The following PDGFC variants were observed in gnomAD, a reference collection of about 807,000 sequenced individuals.
The protein encoded by PDGFC is platelet derived growth factor C.
A neutral mutation model predicts 35.5 loss-of-function variants in PDGFC; 12 were observed. The observed-to-expected ratio is 0.34, with a 90% confidence interval of 0.22 to 0.55. The LOEUF (loss-of-function observed/expected upper bound fraction) is 0.55. Ranked by LOEUF, PDGFC falls within the 20% of genes least tolerant of loss-of-function variation. PDGFC has a pLI of 0.91. For synonymous variants in PDGFC, 159 were observed against 148.8 expected, an observed-to-expected ratio of 1.07 and a Z score of -0.50; for missense variants, 322 against 412.4, an observed-to-expected ratio of 0.78 and a Z score of 1.90.
At chr4:156,783,677 T>C in intron 3 of PDGFC, among the ~76,000 whole-genome samples, 1 of 152,186 alleles carries the variant, frequency 6.6e-6, no homozygotes. Flanking sequence ...GAAATTGTTG[T>C]ACGTGTCCCT....
chr4:156,764,741 A>G (rs1434128838), intron 5 of PDGFC, among the ~76,000 whole-genome samples: 1 of 152,202 alleles, frequency 6.6e-6, no homozygotes, highest in Admixed American at 6.6e-5. Flanking sequence ...TTATGTTAGT[A>G]CTGATTTATT....
chr4:156,761,058 G>A lies in PDGFC; in HGVS notation c.*2032C>T, dbSNP rs563605593. 2.0e-5 allele frequency: 3 copies of A among 152,154 alleles called. No homozygotes were observed. Among genetic ancestry groups the A allele is most frequent in the Admixed American group, 2.0e-4 (3 of 15,256 alleles). 9.4% of individuals were successfully genotyped at this position (152,154 alleles called of 1,614,324 possible). ...TAGTTGGAGGCAGGGCAGAACTGCA[G>A]GTGTCAAAGCACAGGAAAAGGGTGC... is the stretch of plus-strand genomic sequence containing the variant. On this transcript the variant is annotated 3_prime_UTR_variant, in exon 6 of 6. Coordinates refer to ENST00000502773, the MANE Select transcript of PDGFC (RefSeq NM_016205.3).
intron 1 of PDGFC, among the ~76,000 whole-genome samples, chr4:156,889,605 C>A (rs1383503170): frequency 6.6e-6 from 1 of 152,136 alleles, no homozygotes; most frequent in Non-Finnish European, 1.5e-5. Flanking sequence ...AAACTTGAAC[C>A]TTTTTGTCAT....
At chr4:156,921,712 T>C (rs1167701681) in intron 1 of PDGFC, among the ~76,000 whole-genome samples, 1 of 152,146 alleles carries the variant, frequency 6.6e-6, no homozygotes, top group Non-Finnish European at 1.5e-5. Flanking sequence ...AAGAGTCTTT[T>C]GAGTTCATCT....
intron 1 of PDGFC, among the ~76,000 whole-genome samples, chr4:156,906,359 A>C (rs1252819894): frequency 6.6e-6 from 1 of 152,060 alleles, no homozygotes; most frequent in Non-Finnish European, 1.5e-5. Context: ...AAAATTCTTG[A>C]ATGTTTATGG....
intron 2 of PDGFC, among the ~76,000 whole-genome samples, chr4:156,837,574 A>C (rs1360912459): frequency 6.6e-6 from 1 of 152,204 alleles, no homozygotes; most frequent in Non-Finnish European, 1.5e-5. Flanking sequence ...TTTCAGTGGT[A>C]TCAAGGCAAT....
rs72974700 is a variant in PDGFC, at chr4:156,858,513, T to G, written c.119-8097A>C. Among the ~76,000 whole-genome samples, 1,167 of 152,100 alleles carry G rather than the reference T, an allele frequency of 7.7e-3. 13 individuals are homozygous for G. The highest frequency in any genetic ancestry group is 0.027 in the African/African-American group (1,103 of 41,526). ...AAACATGTTTGGCAATACTATAAGT[T>G]TTTTACTCTGTTAAATTGTACATTA... On this transcript the variant is annotated intron_variant, in intron 1 of 5. Coordinates refer to ENST00000502773, the MANE Select transcript of PDGFC (RefSeq NM_016205.3).
At chr4:156,863,394 T>C (rs1729763319) in intron 1 of PDGFC, among the ~76,000 whole-genome samples, 1 of 152,162 alleles carries the variant, frequency 6.6e-6, no homozygotes, top group South Asian at 2.1e-4. Context: ...AATTCACAAG[T>C]GTATATTTTC....
chr4:156,921,158 T>C (rs1159184664), intron 1 of PDGFC, among the ~76,000 whole-genome samples: 1 of 152,198 alleles, frequency 6.6e-6, no homozygotes, highest in African/African-American at 2.4e-5. Context: ...CTTCTCCTTA[T>C]TTATCCCTAA....
At chr4:156,765,636 A>G (rs571589221) in intron 5 of PDGFC, among the ~76,000 whole-genome samples, 9 of 152,234 alleles carry the variant, frequency 5.9e-5, no homozygotes, top group Non-Finnish European at 1.3e-4. Flanking sequence ...TTCATAAAAA[A>G]TTAAATATGT....
intron 1 of PDGFC, among the ~76,000 whole-genome samples, chr4:156,920,939 A>G (rs920152191): frequency 6.6e-6 from 1 of 152,194 alleles, no homozygotes; most frequent in South Asian, 2.1e-4. Flanking sequence ...TCAAGTAACA[A>G]AAATTTGTAA....
At chr4:156,812,602 T>A (rs898552201) in intron 2 of PDGFC, among the ~76,000 whole-genome samples, 1 of 152,042 alleles carries the variant, frequency 6.6e-6, no homozygotes, top group Non-Finnish European at 1.5e-5. Context: ...ATTAAACATA[T>A]GAAAGAAAAA....
In PDGFC at chr4:156,803,309, A is replaced by G. The variant is rs574129554; in HGVS notation, c.495+7528T>C. Among the ~76,000 whole-genome samples, 10 of 152,322 alleles carry G rather than the reference A, an allele frequency of 6.6e-5. No homozygotes were observed. In the South Asian group the frequency reaches 2.1e-3, roughly 32 times the overall value. On this transcript the variant is annotated intron_variant, in intron 3 of 5. Transcript: ENST00000502773. The stretch of plus-strand genomic sequence containing the variant: ...ATTCTAAGGGAAACATAAAAAGAAC[A>G]GAAACGGAAATGTAGTCATGGTATA...
chr4:156,922,041 C>T (rs890046403), intron 1 of PDGFC, among the ~76,000 whole-genome samples: 2 of 151,956 alleles, frequency 1.3e-5, no homozygotes, highest in South Asian at 4.1e-4. Flanking sequence ...GATCTTTAGC[C>T]TAGTGAGAAA....
intron 2 of PDGFC, among the ~76,000 whole-genome samples, chr4:156,826,704 A>G (rs1728764220): frequency 1.3e-5 from 2 of 152,224 alleles, no homozygotes; most frequent in Non-Finnish European, 2.9e-5. Flanking sequence ...TGAGAGAAAC[A>G]TTTAAGTAGC....
Position 156,783,616 on chromosome 4 carries a change from C to T in PDGFC, c.496-10723G>A, listed in dbSNP as rs79749974. Among the ~76,000 whole-genome samples the T allele has an allele frequency of 8.8e-3, 1,332 of 152,206 alleles. 21 individuals are homozygous for T. The highest frequency in any genetic ancestry group is 0.03 in the African/African-American group (1,265 of 41,546). ...TATACACGACTACCTCTAAGCTGGTCGACCTTTGTGATCCACCATTCTGTT... is the reference window on the plus strand; with the variant it reads ...TATACACGACTACCTCTAAGCTGGTTGACCTTTGTGATCCACCATTCTGTT... On this transcript the variant is annotated intron_variant, in intron 3 of 5. Transcript: ENST00000502773.
At chr4:156,773,811 G>A (rs1730749716) in intron 3 of PDGFC, 1 of 152,316 alleles carries the variant, frequency 6.6e-6, no homozygotes, top group South Asian at 2.1e-4. Context: ...TTTAGCTGAT[G>A]TAACTGATAA....
At chr4:156,938,156 C>T (rs1560881862) in intron 1 of PDGFC, among the ~76,000 whole-genome samples, 1 of 152,070 alleles carries the variant, frequency 6.6e-6, no homozygotes, top group East Asian at 1.9e-4. Context: ...CACACACATA[C>T]ATAACATACT....
intron 1 of PDGFC, among the ~76,000 whole-genome samples, chr4:156,936,964 G>A (rs1000491537): frequency 1.3e-5 from 2 of 152,172 alleles, no homozygotes; most frequent in Non-Finnish European, 2.9e-5. Flanking sequence ...CTATGCAATG[G>A]AATTCATGAC....
Sources: allele counts gnomAD v4.1 joint callset (sites outside exome capture counted in the v4.1 genomes callset), GRCh38; gene constraint gnomAD v4.1.1; transcripts MANE v1.5; gene names NCBI Gene and HGNC (gene_info 2026-07-23, HGNC 2026-07-21).